The following COMMD1 variants were observed in gnomAD, a reference collection of about 807,000 sequenced individuals.
COMMD1 encodes the protein COMM domain-containing protein 1.
COMMD1 carries 10 observed loss-of-function variants against 17.2 expected under a neutral mutation model. The observed-to-expected ratio is 0.58, with a 90% CI of 0.36 to 0.99. COMMD1 has a LOEUF of 0.99. Among genes scored for constraint, COMMD1 ranks in the 50% least tolerant of loss-of-function variants. The probability of loss-of-function intolerance (pLI) is 0.01; values close to 1 mark genes in which losing one functional copy is unlikely to be tolerated. For synonymous variants in COMMD1, 97 were observed against 91.6 expected (o/e 1.06, Z -0.34); for missense variants, 270 against 231.8 (o/e 1.17, Z -1.07).
intron 1 of COMMD1, among the ~76,000 whole-genome samples, chr2:61,944,142 T>G (rs1457253985): frequency 1.3e-5 from 2 of 152,132 alleles, no homozygotes; most frequent in Admixed American, 6.5e-5. Context: ...GGAAAGGCAA[T>G]GAGAAGACTC....
upstream of COMMD1, chr2:61,888,674 G>A (rs1018995226): frequency 6.6e-6 from 5 of 755,066 alleles, no homozygotes; most frequent in African/African-American, 1.8e-5. Flanking sequence ...TCCTTGCCGC[G>A]CGGCGCTGGC....
chr2:62,079,629 G>T (rs1671462071), intron 2 of COMMD1: 1 of 152,248 alleles, frequency 6.6e-6, no homozygotes, highest in African/African-American at 2.4e-5. Flanking sequence ...AGTCCATTCA[G>T]ATGGTTGGAG....
chr2:61,889,663 A>T (rs1048052710), intron 1 of COMMD1, among the ~76,000 whole-genome samples: 10 of 151,904 alleles, frequency 6.6e-5, no homozygotes, highest in African/African-American at 2.4e-4. Context: ...GGAGTCAGAA[A>T]AGGGAGATTT....
At chr2:61,944,676 G>A (rs898853448) in intron 1 of COMMD1, among the ~76,000 whole-genome samples, 2 of 152,152 alleles carry the variant, frequency 1.3e-5, no homozygotes, top group Non-Finnish European at 2.9e-5. Flanking sequence ...AAAAGTCAGA[G>A]TCAGGTAGTG....
intron 2 of COMMD1, among the ~76,000 whole-genome samples, chr2:62,028,145 T>A (rs1669816938): frequency 6.6e-6 from 1 of 152,182 alleles, no homozygotes; most frequent in Non-Finnish European, 1.5e-5. Flanking sequence ...CCATGGAGAT[T>A]TCTGCTACCC....
At chr2:62,019,397 A>G (rs947932211) in intron 2 of COMMD1, among the ~76,000 whole-genome samples, 11 of 151,620 alleles carry the variant, frequency 7.3e-5, no homozygotes, top group African/African-American at 2.7e-4. Context: ...CTGGTCCCAA[A>G]CTCCTGACCT....
chr2:62,077,150 A>G (rs1029146158), intron 2 of COMMD1, among the ~76,000 whole-genome samples: 1 of 152,140 alleles, frequency 6.6e-6, no homozygotes, highest in African/African-American at 2.4e-5. Context: ...AATTATTAGA[A>G]GAGATTGATG....
chr2:62,074,801 C>A (rs535388221), intron 2 of COMMD1, among the ~76,000 whole-genome samples: 1 of 152,044 alleles, frequency 6.6e-6, no homozygotes, highest in East Asian at 1.9e-4. Flanking sequence ...TCCCTCTTAG[C>A]CATTAAGGCA....
rs547449463 is a variant in COMMD1, at chr2:61,976,999, G to A, written c.181-23702G>A. On this transcript the variant is annotated intron_variant, in intron 1 of 2. Coordinates refer to ENST00000311832, the MANE Select transcript of COMMD1 (RefSeq NM_152516.4). ...GCGTACCACCACCAGCTAATTTTTTGTATTTGTAGAGATGGGGTTTCACCA... is the reference window on the plus strand; with the variant it reads ...GCGTACCACCACCAGCTAATTTTTTATATTTGTAGAGATGGGGTTTCACCA... Among the ~76,000 whole-genome samples the A allele has an allele frequency of 3.3e-5, 5 of 151,260 alleles. No individual in the cohort carries two copies. In the South Asian group the frequency reaches 1.0e-3, roughly 32 times the overall value.
intron 2 of COMMD1, among the ~76,000 whole-genome samples, chr2:62,001,420 C>T (rs1291827719): frequency 2.0e-5 from 3 of 152,142 alleles, no homozygotes; most frequent in African/African-American, 7.2e-5. Context: ...ATACATTGTT[C>T]GTAAAGACCC....
chr2:61,914,924 A>C (rs2105184192), intron 1 of COMMD1, among the ~76,000 whole-genome samples: 1 of 151,604 alleles, frequency 6.6e-6, no homozygotes, highest in Admixed American at 6.6e-5. Context: ...TCCTGGCCTC[A>C]AGTGATCCAC....
chr2:62,022,572 T>A (rs1285178522), intron 2 of COMMD1, among the ~76,000 whole-genome samples: 1 of 151,756 alleles, frequency 6.6e-6, no homozygotes, highest in Non-Finnish European at 1.5e-5. Flanking sequence ...TTGGAATGTG[T>A]TTTAATTCTA....
chr2:61,918,869 T>C (rs897601560), intron 1 of COMMD1, among the ~76,000 whole-genome samples: 5 of 152,230 alleles, frequency 3.3e-5, no homozygotes, highest in South Asian at 2.1e-4. Context: ...TCTATCTTAA[T>C]GTAGAATGCA....
At chr2:61,888,896 CTTTTTTTTTT>C (rs70946768) in intron 1 of COMMD1, 1 of 132,206 alleles carries the variant, frequency 7.6e-6, no homozygotes, top group Non-Finnish European at 1.6e-5. Flanking sequence ...AGGTCCCCTC[CTTTTTTTTTT>C]TTTTTTTTTC....
Position 61,905,864 on chromosome 2 carries a change from G to A in COMMD1, c.180+6G>A. 1 of 1,614,066 alleles carries A rather than the reference G, an allele frequency of 6.2e-7. No individual in the cohort carries two copies. Among genetic ancestry groups the A allele is most frequent in the Non-Finnish European group, 8.5e-7 (1 of 1,179,922 alleles). ...AGATGAGGGGGATTCTTAAGGTACT[G>A]CTCTTTTCTGTAGTCTCCGGCTTGG... On this transcript the variant is annotated splice_donor_region_variant and intron_variant, in intron 1 of 2. Transcript: ENST00000311832.
rs551726654 is a variant in COMMD1, at chr2:62,031,944, T to A, written c.462+30962T>A. Among the ~76,000 whole-genome samples the A allele has an allele frequency of 1.8e-3, 281 of 152,354 alleles. 1 individual carries two copies. The highest frequency in any genetic ancestry group is 3.2e-3 in the Non-Finnish European group (218 of 68,030). ...ATCACATTAACAATACTTAGTTGAT[T>A]GTTGCTTCTGTGAAATGCTCTTTTC... On this transcript the variant is annotated intron_variant, in intron 2 of 2. Transcript: ENST00000311832.
intron 2 of COMMD1, among the ~76,000 whole-genome samples, chr2:62,087,428 A>C (rs1671700928): frequency 6.6e-6 from 1 of 152,188 alleles, no homozygotes; most frequent in Non-Finnish European, 1.5e-5. Flanking sequence ...CAGTCTTCTG[A>C]GATAAAGGTA....
At chr2:62,004,076 C>T (rs114233793) in intron 2 of COMMD1, among the ~76,000 whole-genome samples, 2 of 151,824 alleles carry the variant, frequency 1.3e-5, no homozygotes, top group Non-Finnish European at 2.9e-5. Flanking sequence ...TGCAGCAAGC[C>T]AAGATCGGAT....
At chr2:62,063,835 A>T (rs1259927101) in intron 2 of COMMD1, among the ~76,000 whole-genome samples, 1 of 133,108 alleles carries the variant, frequency 7.5e-6, no homozygotes, top group Non-Finnish European at 1.6e-5. Context: ...ATATTCTTCC[A>T]GACTGGACAA....
Sources: gnomAD v4.1 joint callset for allele counts (sites outside exome capture counted in the v4.1 genomes callset) on GRCh38, gnomAD v4.1.1 for gene constraint, MANE v1.5 for transcripts, NCBI Gene and HGNC (gene_info 2026-07-23, HGNC 2026-07-21) for gene names.